The following PIK3C2G variants were observed in gnomAD, a reference collection of about 807,000 sequenced individuals.
The protein encoded by PIK3C2G is phosphatidylinositol 3-kinase C2 domain-containing subunit gamma.
In PIK3C2G, 168 loss-of-function variants were observed where a neutral mutation model predicts 181.1. The observed-to-expected ratio is 0.93, with a 90% CI of 0.82 to 1.05. The LOEUF (loss-of-function observed/expected upper bound fraction) is 1.05. Among genes scored for constraint, PIK3C2G ranks in the 50% least tolerant of loss-of-function variants. The pLI is 0.00. For missense variants in PIK3C2G, 1,869 were observed against 1,732.8 expected, an observed-to-expected ratio of 1.08 and a Z score of -1.40; for synonymous variants, 573 against 592.2, an observed-to-expected ratio of 0.97 and a Z score of 0.47.
chr12:18,253,252 G>T (rs570346180), intron 1 of PIK3C2G, among the ~76,000 whole-genome samples: 2 of 141,416 alleles, frequency 1.4e-5, no homozygotes, highest in Admixed American at 1.4e-4. Flanking sequence ...AATGAATAAA[G>T]AAATAAATAA....
Position 18,489,204 on chromosome 12 carries a change from T to C in PIK3C2G, c.2685+575T>C, listed in dbSNP as rs575764958. On this transcript the variant is annotated intron_variant, in intron 19 of 32. Transcript: ENST00000538779. ...AATTATCTCCATCACTAGTTCCCTATACTGATATACACCATTAAGTAGTTT... is the reference window on the plus strand; with the variant it reads ...AATTATCTCCATCACTAGTTCCCTACACTGATATACACCATTAAGTAGTTT... Among the ~76,000 whole-genome samples the C allele has an allele frequency of 2.0e-5, 3 of 152,246 alleles. No homozygotes were observed. In the South Asian group the frequency reaches 6.2e-4, roughly 32 times the overall value.
intron 15 of PIK3C2G, 35 bp downstream of exon 15, chr12:18,391,287 C>T: frequency 2.7e-6 from 4 of 1,504,484 alleles, no homozygotes; most frequent in Non-Finnish European, 1.8e-6. Flanking sequence ...GAATTTTTGC[C>T]TGCTGTTTAT....
Position 18,642,820 on chromosome 12 carries a change from GTGTA to G in PIK3C2G, c.4308+2268_4308+2271del, listed in dbSNP as rs1241092576. Among the ~76,000 whole-genome samples the G allele has an allele frequency of 3.8e-3, 570 of 148,606 alleles. 4 individuals are homozygous for G. Among genetic ancestry groups the G allele is most frequent in the African/African-American group, 0.014 (552 of 39,758 alleles). On this transcript the variant is annotated intron_variant, in intron 32 of 32. Transcript: ENST00000538779. The stretch of plus-strand genomic sequence containing the variant: ...TGTGTGTGTGTGTGTGTGTGTGTGT[GTGTA>G]TAAAATGTAAATACATGTATATACT...
chr12:18,540,995 TATAAA>T (rs1944120952), intron 25 of PIK3C2G, among the ~76,000 whole-genome samples: 1 of 151,952 alleles, frequency 6.6e-6, no homozygotes, highest in African/African-American at 2.4e-5. Context: ...TATAGCTTCT[TATAAA>T]ATAAAACCAA....
At chr12:18,246,363 A>C (rs933898214), upstream of PIK3C2G, among the ~76,000 whole-genome samples, 1 of 152,202 alleles carries the variant, frequency 6.6e-6, no homozygotes. Flanking sequence ...TTCTCATAAG[A>C]AAACACACAG....
chr12:18,693,469 T>A, the PIK3C2G span: 1 of 1,606,798 alleles, frequency 6.2e-7, no homozygotes, highest in Non-Finnish European at 8.5e-7. Flanking sequence ...CTGGCACAGG[T>A]AAAACCTTGT....
intron 1 of PIK3C2G, among the ~76,000 whole-genome samples, chr12:18,278,202 C>T (rs1212018494): frequency 1.3e-5 from 2 of 152,148 alleles, no homozygotes; most frequent in East Asian, 3.8e-4. Context: ...CAACATGGGT[C>T]CCACTGTACT....
intron 8 of PIK3C2G, among the ~76,000 whole-genome samples, chr12:18,328,075 T>G (rs1433575202): frequency 6.6e-6 from 1 of 152,016 alleles, no homozygotes; most frequent in Non-Finnish European, 1.5e-5. Flanking sequence ...CTACCATGAA[T>G]GACAAATTTA....
intron 29 of PIK3C2G, among the ~76,000 whole-genome samples, chr12:18,576,618 G>A (rs1342043442): frequency 6.6e-6 from 1 of 152,194 alleles, no homozygotes; most frequent in Non-Finnish European, 1.5e-5. Flanking sequence ...GATATTGTAT[G>A]TGCATTCTCA....
intron 9 of PIK3C2G, among the ~76,000 whole-genome samples, chr12:18,339,007 C>G (rs1282667924): frequency 6.6e-6 from 1 of 151,908 alleles, no homozygotes; most frequent in African/African-American, 2.4e-5. Context: ...AAGAAAAAAT[C>G]AATTTTTGTG....
At chr12:18,642,655 C>T (rs1320528646) in intron 32 of PIK3C2G, among the ~76,000 whole-genome samples, 3 of 152,234 alleles carry the variant, frequency 2.0e-5, no homozygotes, top group South Asian at 2.1e-4. Flanking sequence ...TAGTCCTACA[C>T]GGTTTTTCTT....
the PIK3C2G span, among the ~76,000 whole-genome samples, chr12:18,710,569 G>T: frequency 6.6e-6 from 1 of 152,058 alleles, no homozygotes; most frequent in East Asian, 1.9e-4. Flanking sequence ...AAATCACTCT[G>T]GTTGATATGT....
At chr12:18,570,244 C>T (rs1044862968) in intron 29 of PIK3C2G, among the ~76,000 whole-genome samples, 2 of 150,354 alleles carry the variant, frequency 1.3e-5, no homozygotes, top group Admixed American at 6.6e-5. Flanking sequence ...GAGTTTTGCT[C>T]GTCACCCACG....
intron 1 of PIK3C2G, among the ~76,000 whole-genome samples, chr12:18,276,445 A>G (rs892648709): frequency 2.0e-5 from 3 of 152,222 alleles, no homozygotes; most frequent in Non-Finnish European, 1.5e-5. Flanking sequence ...GAATCAAAAC[A>G]TTCTTGAAAC....
chr12:18,580,819 T>A (rs908531281), intron 29 of PIK3C2G, among the ~76,000 whole-genome samples: 1 of 152,206 alleles, frequency 6.6e-6, no homozygotes, highest in Non-Finnish European at 1.5e-5. Flanking sequence ...AATTCGTTTT[T>A]AAATTCACAT....
At chr12:18,418,666 T>C (rs1945309832) in intron 16 of PIK3C2G, among the ~76,000 whole-genome samples, 1 of 152,006 alleles carries the variant, frequency 6.6e-6, no homozygotes, top group African/African-American at 2.4e-5. Context: ...GCTAGAGCCA[T>C]TAGGATAGAA....
At chr12:18,522,425 G>A (rs1466238597) in intron 24 of PIK3C2G, among the ~76,000 whole-genome samples, 1 of 151,686 alleles carries the variant, frequency 6.6e-6, no homozygotes, top group Non-Finnish European at 1.5e-5. Context: ...AGCAATTCCT[G>A]TAAAACAGGG....
chr12:18,417,144 A>G (rs1406434965), intron 16 of PIK3C2G, among the ~76,000 whole-genome samples: 4 of 152,214 alleles, frequency 2.6e-5, no homozygotes, highest in African/African-American at 4.8e-5. Context: ...GGTAGAACTT[A>G]TAAGTGAACT....
intron 31 of PIK3C2G, among the ~76,000 whole-genome samples, chr12:18,633,462 G>A (rs777521488): frequency 1.3e-5 from 2 of 152,082 alleles, no homozygotes; most frequent in Non-Finnish European, 2.9e-5. Context: ...TTTGCCTTCC[G>A]CATATACCTC....
Sources: gnomAD v4.1 joint callset for allele counts (sites outside exome capture counted in the v4.1 genomes callset) on GRCh38, gnomAD v4.1.1 for gene constraint, MANE v1.5 for transcripts, NCBI Gene and HGNC (gene_info 2026-07-23, HGNC 2026-07-21) for gene names.